The following GNG12 variants were observed in gnomAD, a reference collection of about 807,000 sequenced individuals.
The protein encoded by GNG12 is G protein subunit gamma 12.
For missense variants in GNG12, 69 were observed against 83.8 expected (o/e 0.82, Z 0.69); for synonymous variants, 28 against 29.7 (o/e 0.94, Z 0.19).
At chr1:67,749,841 G>C (rs1374889066) in intron 2 of GNG12, among the ~76,000 whole-genome samples, 1 of 152,178 alleles carries the variant, frequency 6.6e-6, no homozygotes, top group Non-Finnish European at 1.5e-5. Flanking sequence ...CAAGGCTGGA[G>C]AGAAATGAAA....
intron 2 of GNG12, among the ~76,000 whole-genome samples, chr1:67,756,486 C>T (rs1252219482): frequency 6.6e-6 from 1 of 152,124 alleles, no homozygotes; most frequent in East Asian, 1.9e-4. Context: ...GCATGTGGTG[C>T]TATGGCTGCT....
rs1433115425 is a variant in GNG12, at chr1:67,794,477, G to A, written c.-76-16970C>T. ...ACTGTGACGGCCACTTGCTGACCAC[G>A]AGAAAGCATGTCTCAATTTAAAAAA... On this transcript the variant is annotated intron_variant, in intron 1 of 3. Transcript: ENST00000370982. Among the ~76,000 whole-genome samples, 16 of 152,226 alleles carry A rather than the reference G, an allele frequency of 1.1e-4. 1 individual carries two copies. In the East Asian group the frequency reaches 1.4e-3, roughly 13 times the overall value.
rs1188120613 is a variant in GNG12 at position 67,705,520 on chromosome 1, G to A, written c.150C>T (p.Asp50=). The change falls in exon 4 of 4, where the codon GAC becomes GAT. Residue 50 remains aspartate (D), a synonymous_variant. Coordinates refer to ENST00000370982, the MANE Select transcript of GNG12 (RefSeq NM_018841.6). ...MSYCEEHARS[D]PLLIGIPTSE... ...AAGTTGGTATTCCTATCAGCAAAGG[G>A]TCACTCCTGGCATGTTCCTCACAGT... 1.2e-6 allele frequency: 2 copies of A among 1,613,968 alleles called. No homozygotes were observed. The highest frequency in any genetic ancestry group is 2.7e-5 in the African/African-American group (2 of 74,902).
chr1:67,741,911 G>C (rs1372869497), intron 2 of GNG12, among the ~76,000 whole-genome samples: 2 of 152,222 alleles, frequency 1.3e-5, no homozygotes, highest in African/African-American at 4.8e-5. Context: ...AGTTGGAGCT[G>C]AGTAGCAGAT....
intron 2 of GNG12, among the ~76,000 whole-genome samples, chr1:67,772,016 A>T (rs1646677739): frequency 6.6e-6 from 1 of 152,232 alleles, no homozygotes; most frequent in African/African-American, 2.4e-5. Context: ...AGCCAAGACA[A>T]GAAAGGAATG....
chr1:67,808,285 G>A (rs914080319), intron 1 of GNG12, among the ~76,000 whole-genome samples: 1 of 151,956 alleles, frequency 6.6e-6, no homozygotes, highest in African/African-American at 2.4e-5. Context: ...AAAAAACTAT[G>A]TAAACTAAAA....
chr1:67,754,428 C>T (rs1646556465), intron 2 of GNG12, among the ~76,000 whole-genome samples: 1 of 152,310 alleles, frequency 6.6e-6, no homozygotes, highest in South Asian at 2.1e-4. Flanking sequence ...CCACCACACC[C>T]CTTCTTCTGT....
chr1:67,821,493 C>T (rs1191293121), intron 1 of GNG12, among the ~76,000 whole-genome samples: 1 of 152,172 alleles, frequency 6.6e-6, no homozygotes, highest in African/African-American at 2.4e-5. Context: ...GGCCCTCATC[C>T]TGTAATTGCA....
intron 2 of GNG12, among the ~76,000 whole-genome samples, chr1:67,723,905 G>A (rs1646371037): frequency 6.6e-6 from 1 of 152,204 alleles, no homozygotes; most frequent in South Asian, 2.1e-4. Flanking sequence ...GAAGTAGAGG[G>A]CAAGAACAGC....
intron 2 of GNG12, among the ~76,000 whole-genome samples, chr1:67,756,654 C>T (rs887835655): frequency 2.2e-4 from 34 of 152,254 alleles, no homozygotes; most frequent in African/African-American, 4.6e-4. Flanking sequence ...TGTGACGCTC[C>T]GCCTCCTCAT....
chr1:67,832,012 G>A (rs1056580182), intron 1 of GNG12, among the ~76,000 whole-genome samples: 12 of 152,098 alleles, frequency 7.9e-5, no homozygotes, highest in Admixed American at 2.0e-4. Context: ...AAATAGAGAA[G>A]GCACAGACGC....
chr1:67,709,904 T>TTATATAGTTATA lies in GNG12; in HGVS notation c.-26-2204_-26-2193dup, dbSNP rs1168565169. Among the ~76,000 whole-genome samples, 119 of 66,664 alleles carry TTATATAGTTATA rather than the reference T, an allele frequency of 1.8e-3. 27 individuals are homozygous for TTATATAGTTATA. The highest frequency in any genetic ancestry group is 0.011 in the South Asian group (23 of 2,114). 43.7% of individuals were successfully genotyped at this position (66,664 alleles called of 152,430 possible). A position where few individuals can be genotyped will look rare whatever the true frequency, so the allele number is the denominator to read the frequency against. ...TATATATATAGTTATATATATATTT[T>TTATATAGTTATA]TATATAGTTATATATATAGTTATAT... is the stretch of plus-strand genomic sequence containing the variant. On this transcript the variant is annotated intron_variant, in intron 2 of 3. Coordinates refer to ENST00000370982, the MANE Select transcript of GNG12 (RefSeq NM_018841.6).
chr1:67,830,734 T>A (rs980494160), intron 1 of GNG12, among the ~76,000 whole-genome samples: 7 of 152,180 alleles, frequency 4.6e-5, no homozygotes, highest in African/African-American at 1.7e-4. Flanking sequence ...ATCATAATTA[T>A]TCATATTGCT....
intron 1 of GNG12, among the ~76,000 whole-genome samples, chr1:67,793,991 G>A (rs1646815833): frequency 6.6e-6 from 1 of 152,116 alleles, no homozygotes; most frequent in Non-Finnish European, 1.5e-5. Context: ...GAGGAGGGGG[G>A]ATAAACTCTC....
At chr1:67,767,977 A>T (rs1236237798) in intron 2 of GNG12, among the ~76,000 whole-genome samples, 1 of 152,224 alleles carries the variant, frequency 6.6e-6, no homozygotes, top group Non-Finnish European at 1.5e-5. Context: ...GGCTCTTGCT[A>T]CGTTGCGGAG....
At chr1:67,825,978 T>C (rs1425185883) in intron 1 of GNG12, among the ~76,000 whole-genome samples, 2 of 152,274 alleles carry the variant, frequency 1.3e-5, no homozygotes, top group South Asian at 4.1e-4. Context: ...TACCACTGAA[T>C]GTTTGTTTCC....
At chr1:67,826,533 C>A (rs931570372) in intron 1 of GNG12, among the ~76,000 whole-genome samples, 2 of 152,170 alleles carry the variant, frequency 1.3e-5, no homozygotes, top group African/African-American at 4.8e-5. Flanking sequence ...ACCTTATATA[C>A]CCACATGAAG....
chr1:67,763,737 A>G (rs1646620201), intron 2 of GNG12, among the ~76,000 whole-genome samples: 2 of 152,142 alleles, frequency 1.3e-5, no homozygotes, highest in African/African-American at 4.8e-5. Flanking sequence ...TAATTTTGCT[A>G]TAATTCCAAA....
chr1:67,785,445 A>T, intron 1 of GNG12, among the ~76,000 whole-genome samples: 1 of 151,950 alleles, frequency 6.6e-6, no homozygotes, highest in African/African-American at 2.4e-5. Context: ...AATTTCTACA[A>T]CCTTTTCTAC....
Sources: gnomAD v4.1 joint callset for allele counts (sites outside exome capture counted in the v4.1 genomes callset) on GRCh38, gnomAD v4.1.1 for gene constraint, MANE v1.5 for transcripts, NCBI Gene and HGNC (gene_info 2026-07-23, HGNC 2026-07-21) for gene names.